The following MRPS2 variants were observed in gnomAD, a reference collection of about 807,000 sequenced individuals.
The protein encoded by MRPS2 is small ribosomal subunit protein uS2m.
Under a neutral mutation model 18.9 loss-of-function variants are expected in MRPS2, and 13 were observed. The observed-to-expected ratio is 0.69, with a 90% CI of 0.45 to 1.09. The LOEUF is 1.09. Among genes scored for constraint, MRPS2 ranks in the 50% least tolerant of loss-of-function variants. The pLI, the probability that MRPS2 is intolerant of heterozygous loss-of-function variation, is 0.00. For missense variants in MRPS2, 389 were observed against 421.7 expected, an observed-to-expected ratio of 0.92 and a Z score of 0.68; for synonymous variants, 186 against 178.4, an observed-to-expected ratio of 1.04 and a Z score of -0.34.
chr9:135,500,495 T>G (rs1831085196), upstream of MRPS2: 1 of 484,268 alleles, frequency 2.1e-6, no homozygotes, highest in African/African-American at 2.0e-5. Flanking sequence ...GCGAGGACCG[T>G]GGCTCCACTC....
chr9:135,503,489 G>A, intron 3 of MRPS2, 53 bp from the exon 4 acceptor site: 1 of 1,544,050 alleles, frequency 6.5e-7, no homozygotes, highest in South Asian at 1.2e-5. Context: ...AGGAGCCAGT[G>A]GAGATGGCCC....
intron 1 of MRPS2, 49 bp downstream of exon 1, chr9:135,500,802 C>A: frequency 6.7e-7 from 1 of 1,489,626 alleles, no homozygotes; most frequent in Non-Finnish European, 8.9e-7. Flanking sequence ...GAGGAGGATG[C>A]GGAGGGGCGC....
intron 2 of MRPS2, 56 bp downstream of exon 2, chr9:135,501,179 G>C (rs1831116912): frequency 1.3e-6 from 2 of 1,518,482 alleles, no homozygotes; most frequent in Non-Finnish European, 1.8e-6. Flanking sequence ...CGGCAGCCGC[G>C]GGGGATGCGA....
rs1831089824 is a variant in MRPS2 at position 135,500,700 on chromosome 9, G to A, written c.-11G>A. On this transcript the variant is annotated 5_prime_UTR_variant, in exon 1 of 4. Transcript: ENST00000241600. ...CTGGAGGGAGACCTCGCTCTGCCCC[G>A]CGTCCCAGCCATGGCGACATCCTCG... 6.8e-7 allele frequency: 1 copy of A among 1,467,112 alleles called. No individual in the cohort carries two copies. The highest frequency in any genetic ancestry group is 9.0e-7 in the Non-Finnish European group (1 of 1,116,830). The allele number at this position is 1,467,112 out of a possible 1,614,324, so 90.9% of individuals were successfully genotyped here.
At position 135,504,115 on chromosome 9, in the gene MRPS2, C is replaced by T; in HGVS notation, c.873C>T (p.Asp291=). 6.2e-7 allele frequency: 1 copy of T among 1,606,586 alleles called. No homozygotes were observed. The change falls in exon 4 of 4, where the codon GAC becomes GAT. Residue 291 remains aspartate, a synonymous_variant. Transcript: ENST00000241600. This position sits in a 1 kb window ranked among gnomAD's most constrained non-coding sequence, Gnocchi z 4.3. ...DQGPAHPPGA[D]MSHSL is the part of the protein sequence containing the mutation. ...GGCCAGCCCACCCTCCTGGGGCTGA[C>T]ATGAGCCATTCCCTGTGATGTTCAC...
rs141977626 is a variant in MRPS2 at position 135,501,916 on chromosome 9, T to G, written c.242T>G (p.Val81Gly). 81 of 1,613,810 alleles carry G rather than the reference T, an allele frequency of 5.0e-5. No homozygotes were observed. Among genetic ancestry groups the G allele is most frequent in the Non-Finnish European group, 6.7e-5 (79 of 1,179,978 alleles). Residue 81 changes from valine to glycine, a missense_variant, in exon 3 of 4, where the codon GTG becomes GGG. Physicochemically the swap from Val to Gly is moderately radical, Grantham distance 109. Transcript: ENST00000241600. ...DFFNVKELFS[V>G]RSLFDARVHL... is the part of the protein sequence containing the mutation. Reference sequence around the variant, plus strand: ...TTCAATGTCAAGGAACTGTTTTCCGTGAGAAGCCTCTTCGATGCCCGAGTC... The same window carrying G: ...TTCAATGTCAAGGAACTGTTTTCCGGGAGAAGCCTCTTCGATGCCCGAGTC...
At chr9:135,502,235 G>A in intron 3 of MRPS2, 1 of 1,286,932 alleles carries the variant, frequency 7.8e-7, no homozygotes, top group South Asian at 1.7e-5. Context: ...CACGGGTTCA[G>A]AAATGGAAAG....
rs147519808 is a variant in MRPS2 at position 135,503,662 on chromosome 9, C to T, written c.420C>T (p.Gly140=). ...CCGCCCACATGGCCTACCGCAAGGG[C>T]ATCATCTTGTTTATAAGCCGCAACC... ...NFTAHMAYRK[G]IILFISRNRQ... is the part of the protein sequence containing the mutation. The change falls in exon 4 of 4, where the codon GGC becomes GGT. Residue 140 remains glycine, a synonymous_variant. Coordinates refer to ENST00000241600, the MANE Select transcript of MRPS2 (RefSeq NM_016034.5). 525 of 1,613,856 alleles carry T rather than the reference C, an allele frequency of 3.3e-4. No homozygotes were observed. The highest frequency in any genetic ancestry group is 3.8e-4 in the Non-Finnish European group (445 of 1,180,022).
chr9:135,501,329 G>C (rs1262654578), intron 2 of MRPS2: 1 of 1,413,458 alleles, frequency 7.1e-7, no homozygotes, highest in African/African-American at 1.5e-5. Flanking sequence ...TGGATAGGGT[G>C]AGAGGGAGCG....
In MRPS2 at chr9:135,504,083, G is replaced by A. The variant is rs201732946; in HGVS notation, c.841G>A (p.Asp281Asn). 1.9e-6 allele frequency: 3 copies of A among 1,612,228 alleles called. No homozygotes were observed. The highest frequency in any genetic ancestry group is 3.3e-5 in the Admixed American group (2 of 60,018). ...YRLQGQKEPG[D>N]QGPAHPPGAD... ...CCTGCAGGGCCAGAAGGAGCCCGGGGACCAGGGGCCAGCCCACCCTCCTGG... is the reference window on the plus strand; with the variant it reads ...CCTGCAGGGCCAGAAGGAGCCCGGGAACCAGGGGCCAGCCCACCCTCCTGG... The change falls in exon 4 of 4, where the codon GAC (aspartate) becomes AAC (asparagine). Residue 281 changes from aspartate to asparagine, a missense_variant. Physicochemically the swap from Asp to Asn is conservative, Grantham distance 23 (BLOSUM62 1). Transcript: ENST00000241600. The surrounding 1 kb of genome is among the most constrained non-coding windows in gnomAD (Gnocchi z 4.3).
chr9:135,502,399 A>T, intron 3 of MRPS2: 1 of 593,674 alleles, frequency 1.7e-6, no homozygotes, highest in Non-Finnish European at 2.2e-6. Context: ...GCCAGGGAGG[A>T]GGTTGGTGTG....
chr9:135,500,396 G>C, upstream of MRPS2: 1 of 389,510 alleles, frequency 2.6e-6, no homozygotes, highest in Non-Finnish European at 4.5e-6. Context: ...GGCGGGAGGC[G>C]AGGGTCCCCA....
upstream of MRPS2, chr9:135,500,018 T>C: frequency 1.3e-6 from 1 of 796,412 alleles, no homozygotes; most frequent in Non-Finnish European, 1.9e-6. Flanking sequence ...GCCGGGAAGG[T>C]CGGGACGGCG....
chr9:135,504,457 C>T lies in MRPS2; in HGVS notation c.*324C>T, dbSNP rs1391514066. 9 of 359,668 alleles carry T rather than the reference C, an allele frequency of 2.5e-5. No homozygotes were observed. Among genetic ancestry groups the T allele is most frequent in the Admixed American group, 1.3e-4 (3 of 22,576 alleles). 22.3% of individuals were successfully genotyped at this position (359,668 alleles called of 1,614,324 possible). A position where few individuals can be genotyped will look rare whatever the true frequency, so the allele number is the denominator to read the frequency against. ...GTGATCCCAGCAGCCCTCCCTTCAC[C>T]GTGACCCCTGACCTTTGTCAGGAAG... On this transcript the variant is annotated 3_prime_UTR_variant, in exon 4 of 4. Coordinates refer to ENST00000241600, the MANE Select transcript of MRPS2 (RefSeq NM_016034.5). This position sits in a 1 kb window ranked among gnomAD's most constrained non-coding sequence, Gnocchi z 4.3.
At chr9:135,501,254 C>T (rs748243395) in intron 2 of MRPS2, 131 bp downstream of exon 2, 26 of 1,433,764 alleles carry the variant, frequency 1.8e-5, no homozygotes, top group Admixed American at 2.8e-5. Flanking sequence ...TCCTCCCACT[C>T]CCGTGCTCGC....
upstream of MRPS2, chr9:135,500,192 A>C: frequency 2.9e-6 from 1 of 341,762 alleles, no homozygotes. Flanking sequence ...CTGCAGGTCC[A>C]CTCGGCAGGC....
At position 135,503,781 on chromosome 9, in the gene MRPS2, G is replaced by A. The variant is rs753767783; in HGVS notation, c.539G>A (p.Arg180His). 1.6e-5 allele frequency: 25 copies of A among 1,612,672 alleles called. No individual in the cohort carries two copies. The highest frequency in any genetic ancestry group is 7.7e-5 in the South Asian group (7 of 91,084). The change falls in exon 4 of 4, where the codon CGC becomes CAC. Residue 180 changes from arginine (R) to histidine (H), a missense_variant. Physicochemically the swap from Arg to His is conservative, Grantham distance 29 (BLOSUM62 0). Transcript: ENST00000241600. The stretch of plus-strand genomic sequence containing the variant: ...AGGGGCGGCATGCTGACCAACGCGC[G>A]CCTCCTCTTTGGCCCCACGGTCCGC... ...YFRGGMLTNA[R>H]LLFGPTVRLP...
At chr9:135,502,711 A>T (rs1164716247) in intron 3 of MRPS2, 1 of 153,150 alleles carries the variant, frequency 6.5e-6, no homozygotes, top group African/African-American at 2.4e-5. Context: ...CCAGGGAGCC[A>T]TCAGCATCGG....
upstream of MRPS2, chr9:135,500,633 C>T: frequency 7.3e-7 from 1 of 1,378,212 alleles, no homozygotes; most frequent in Non-Finnish European, 9.4e-7. Flanking sequence ...GCACTGCGGC[C>T]CCGCGCGGAT....
Sources: allele counts gnomAD v4.1 joint callset, GRCh38; gene constraint gnomAD v4.1.1; non-coding constraint Gnocchi (gnomAD v3.1); transcripts MANE v1.5; gene names NCBI Gene and HGNC (gene_info 2026-07-23, HGNC 2026-07-21).